The following FBXW11 variants were observed in gnomAD, a reference collection of about 807,000 sequenced individuals.
The protein encoded by FBXW11 is F-box/WD repeat-containing protein 11.
Under a neutral mutation model 77.6 loss-of-function variants are expected in FBXW11, and 19 were observed. The observed-to-expected ratio is 0.24, with a 90% CI of 0.17 to 0.36. The LOEUF (loss-of-function observed/expected upper bound fraction) is 0.36, where lower values mean the gene tolerates loss of function less well. Ranked by LOEUF, FBXW11 falls within the 10% of genes least tolerant of loss-of-function variation. FBXW11 has a pLI of 1.00. For synonymous variants in FBXW11, 235 were observed against 249.4 expected (o/e 0.94, Z 0.54); for missense variants, 334 against 704.2 (o/e 0.47, Z 5.95).
At chr5:171,908,245 G>T (rs945396075) in intron 4 of FBXW11, among the ~76,000 whole-genome samples, 1 of 151,994 alleles carries the variant, frequency 6.6e-6, no homozygotes, top group African/African-American at 2.4e-5. Context: ...TCTCTCTCAC[G>T]CAATCAAAAG....
intron 8 of FBXW11, among the ~76,000 whole-genome samples, chr5:171,877,179 C>A (rs992957938): frequency 6.6e-6 from 1 of 152,104 alleles, no homozygotes; most frequent in African/African-American, 2.4e-5. Flanking sequence ...ATTTAGCAGT[C>A]AGGTATTTAG....
At chr5:171,977,847 G>T (rs1764924584) in intron 1 of FBXW11, 2 of 237,912 alleles carry the variant, frequency 8.4e-6, no homozygotes, top group South Asian at 8.1e-5. Flanking sequence ...CTCCCACGGG[G>T]TCCCTCCCAC....
chr5:171,974,456 A>G (rs1764704584), intron 1 of FBXW11, among the ~76,000 whole-genome samples: 1 of 151,596 alleles, frequency 6.6e-6, no homozygotes, highest in Non-Finnish European at 1.5e-5. Flanking sequence ...AAAAAAAAAA[A>G]TACACACACA....
At chr5:171,913,253 A>G (rs1193976799) in intron 3 of FBXW11, among the ~76,000 whole-genome samples, 2 of 152,216 alleles carry the variant, frequency 1.3e-5, no homozygotes, top group Non-Finnish European at 2.9e-5. Flanking sequence ...AATTCATTTG[A>G]TAAACAAAAG....
chr5:171,911,676 G>A (rs1010142263), intron 3 of FBXW11, among the ~76,000 whole-genome samples: 2 of 152,126 alleles, frequency 1.3e-5, no homozygotes, highest in Admixed American at 1.3e-4. Flanking sequence ...TCTTACGTAG[G>A]TGGTTTATGG....
intron 1 of FBXW11, among the ~76,000 whole-genome samples, chr5:172,005,248 T>C (rs1766668213): frequency 1.3e-5 from 2 of 152,216 alleles, no homozygotes; most frequent in Admixed American, 6.5e-5. Flanking sequence ...TTAAGTAGAT[T>C]CTTCCACCTC....
chr5:171,884,962 A>C (rs1758779596), intron 7 of FBXW11, among the ~76,000 whole-genome samples: 1 of 152,214 alleles, frequency 6.6e-6, no homozygotes, highest in African/African-American at 2.4e-5. Context: ...CAAGAAGGGA[A>C]GCGTTCTATA....
Position 172,004,661 on chromosome 5 carries a change from C to T in FBXW11, c.45+1797G>A, listed in dbSNP as rs184663755. ...AAAGAGGCACCAAGTTACAATTTTT[C>T]GATATGAAGTACTTCTGTTGTAAGT... is the stretch of plus-strand genomic sequence containing the variant. On this transcript the variant is annotated intron_variant, in intron 1 of 13. Transcript: ENST00000517395. Among the ~76,000 whole-genome samples the T allele has an allele frequency of 2.5e-3, 373 of 152,156 alleles. 2 individuals are homozygous for T. Among genetic ancestry groups the T allele is most frequent in the Admixed American group, 4.8e-3 (74 of 15,286 alleles).
chr5:171,917,889 A>G (rs1761356429), intron 2 of FBXW11, among the ~76,000 whole-genome samples: 1 of 152,014 alleles, frequency 6.6e-6, no homozygotes, highest in Non-Finnish European at 1.5e-5. Context: ...AGGTTCTATA[A>G]TATACTATTA....
Position 171,877,979 on chromosome 5 carries a change from CAAGTTAAGAACAATG to C in FBXW11, c.971+17_971+31del, listed in dbSNP as rs753450035. 6.6e-7 allele frequency: 1 copy of C among 1,509,192 alleles called. No individual in the cohort carries two copies. The highest frequency in any genetic ancestry group is 2.3e-5 in the East Asian group (1 of 44,180). 93.5% of individuals were successfully genotyped at this position (1,509,192 alleles called of 1,614,324 possible). A position where few individuals can be genotyped will look rare whatever the true frequency, so the allele number is the denominator to read the frequency against. ...CTCAGACTTTCTCAGGGAAGGCTTA[CAAGTTAAGAACAATG>C]AAGCCAGATCACTCACCTCACCGTA... On this transcript the variant is annotated intron_variant, in intron 8 of 13. Transcript: ENST00000517395.
intron 1 of FBXW11, among the ~76,000 whole-genome samples, chr5:171,999,313 A>T (rs903645116): frequency 7.9e-5 from 12 of 152,038 alleles, no homozygotes; most frequent in African/African-American, 2.4e-4. Flanking sequence ...AATTTGACTA[A>T]CAGACTCATT....
chr5:171,944,308 G>T (rs1762891417), intron 2 of FBXW11, among the ~76,000 whole-genome samples: 1 of 151,698 alleles, frequency 6.6e-6, no homozygotes, highest in Admixed American at 6.6e-5. Context: ...CGGGCGCTGT[G>T]GCTCACACCT....
At chr5:171,923,233 C>T (rs1465973491) in intron 2 of FBXW11, among the ~76,000 whole-genome samples, 1 of 152,116 alleles carries the variant, frequency 6.6e-6, no homozygotes, top group East Asian at 1.9e-4. Context: ...AGCTTTTAAT[C>T]AATTTTTAGT....
intron 1 of FBXW11, chr5:171,977,795 C>T (rs139592257): frequency 3.4e-4 from 106 of 312,724 alleles, no homozygotes; most frequent in African/African-American, 2.2e-3. Context: ...TTCACTATCA[C>T]GAGAACAGCA....
rs542872929 is a variant in FBXW11, at chr5:171,875,970, T to C, written c.1221+315A>G. ...CCACACCTACCTTAAAAGTGCTGAG[T>C]GTTAACTGAGACCATAATGTAAAGC... On this transcript the variant is annotated intron_variant, in intron 9 of 13. Coordinates refer to ENST00000517395, the MANE Select transcript of FBXW11 (RefSeq NM_001378974.1). Among the ~76,000 whole-genome samples, 31 of 152,210 alleles carry C rather than the reference T, an allele frequency of 2.0e-4. No homozygotes were observed. In the South Asian group the frequency reaches 6.0e-3, roughly 30 times the overall value.
chr5:171,932,714 A>G (rs1762277083), intron 2 of FBXW11, among the ~76,000 whole-genome samples: 2 of 152,238 alleles, frequency 1.3e-5, no homozygotes, highest in South Asian at 4.1e-4. Context: ...GTCCAAATGA[A>G]GTGAAAACTA....
At chr5:171,968,948 T>C (rs1484925700) in intron 1 of FBXW11, among the ~76,000 whole-genome samples, 1 of 152,142 alleles carries the variant, frequency 6.6e-6, no homozygotes, top group Admixed American at 6.6e-5. Flanking sequence ...GAGGGCAAAG[T>C]TGACTACGTT....
chr5:171,906,453 G>C (rs905779332), intron 4 of FBXW11, among the ~76,000 whole-genome samples: 1 of 152,094 alleles, frequency 6.6e-6, no homozygotes, highest in Non-Finnish European at 1.5e-5. Flanking sequence ...AAACAACAAA[G>C]TGACAGACAC....
intron 7 of FBXW11, among the ~76,000 whole-genome samples, chr5:171,878,592 A>AC (rs1561640297): frequency 1.5e-5 from 2 of 132,964 alleles, no homozygotes; most frequent in African/African-American, 3.2e-5. Context: ...GTGTGTGTGT[A>AC]AGAGAGAGAG....
Sources: allele counts gnomAD v4.1 joint callset (sites outside exome capture counted in the v4.1 genomes callset), GRCh38; gene constraint gnomAD v4.1.1; transcripts MANE v1.5; gene names NCBI Gene and HGNC (gene_info 2026-07-23, HGNC 2026-07-21).